CERKL: variants seen among roughly 807,000 people sequenced by gnomAD.
The protein encoded by CERKL is CERK like autophagy regulator, also known as ceramide kinase-like protein.
A neutral mutation model predicts 63.4 loss-of-function variants in CERKL; 61 were observed. The ratio of observed to expected loss-of-function variants is 0.96; its 90% CI spans 0.78 to 1.19. The LOEUF (loss-of-function observed/expected upper bound fraction) is 1.19. Ranked by LOEUF, CERKL falls within the 50% of genes most tolerant of loss-of-function variation. CERKL has a pLI of 0.00. For missense variants in CERKL, 675 were observed against 655.5 expected, an observed-to-expected ratio of 1.03 and a Z score of -0.33; for synonymous variants, 250 against 230.5, an observed-to-expected ratio of 1.08 and a Z score of -0.77.
At chr2:181,637,002 CA>C (rs1449222068) in intron 1 of CERKL, among the ~76,000 whole-genome samples, 2 of 152,136 alleles carry the variant, frequency 1.3e-5, no homozygotes, top group Non-Finnish European at 2.9e-5. Context: ...CTAGAGACCC[CA>C]TAATTGGTGC....
chr2:181,554,649 C>A (rs369082370), intron 5 of CERKL, among the ~76,000 whole-genome samples: 1 of 152,106 alleles, frequency 6.6e-6, no homozygotes, highest in Admixed American at 6.6e-5. Flanking sequence ...GCCAGCAGTT[C>A]AAATACAGGC....
intron 1 of CERKL, among the ~76,000 whole-genome samples, chr2:181,606,803 C>T (rs1359387004): frequency 6.6e-6 from 1 of 152,114 alleles, no homozygotes; most frequent in Non-Finnish European, 1.5e-5. Context: ...ACAATCATTA[C>T]TATTACTAAA....
chr2:181,576,587 G>A (rs1241439248), intron 2 of CERKL, among the ~76,000 whole-genome samples: 1 of 152,162 alleles, frequency 6.6e-6, no homozygotes, highest in Non-Finnish European at 1.5e-5. Context: ...GGTGAAGCAC[G>A]GTGAATTTCA....
At chr2:181,636,128 T>G (rs982495646) in intron 1 of CERKL, among the ~76,000 whole-genome samples, 1 of 152,144 alleles carries the variant, frequency 6.6e-6, no homozygotes, top group South Asian at 2.1e-4. Flanking sequence ...TTCCCTTCTG[T>G]TTACATATTT....
chr2:181,587,856 T>C (rs564504060), intron 2 of CERKL, among the ~76,000 whole-genome samples: 32 of 152,262 alleles, frequency 2.1e-4, no homozygotes, highest in Non-Finnish European at 4.4e-4. Context: ...GCTTTTAAGA[T>C]AAATTTTTAG....
intron 1 of CERKL, among the ~76,000 whole-genome samples, chr2:181,605,024 T>G (rs1685621254): frequency 6.6e-6 from 1 of 152,090 alleles, no homozygotes; most frequent in East Asian, 1.9e-4. Flanking sequence ...TGTGGAATAA[T>G]AAGAAACTAG....
rs569826109 is a variant in CERKL, at chr2:181,604,002, G to T, written c.316C>A (p.Arg106Ser). 3.6e-5 allele frequency: 58 copies of T among 1,612,490 alleles called. No individual in the cohort carries two copies. In the South Asian group the frequency reaches 6.2e-4, roughly 17 times the overall value. Residue 106 changes from arginine to serine, a missense_variant, in exon 2 of 13, where the codon CGT becomes AGT. By Grantham distance (110) the Arg-to-Ser change is moderately radical. Transcript: ENST00000410087. ...KDIFSVKLKR[R>S]CSVKQQRSGT... ...CTTCTCTGCTGTTTAACAGAACAAC[G>T]CCGTTTCAGTTTCACAGAGAATATG...
chr2:181,593,531 T>C (rs1174517562), intron 2 of CERKL, among the ~76,000 whole-genome samples: 4 of 150,286 alleles, frequency 2.7e-5, no homozygotes, highest in Non-Finnish European at 4.4e-5. Flanking sequence ...CATTTCCTTT[T>C]GGAAAAAAAA....
chr2:181,588,502 T>C (rs1287399806), intron 2 of CERKL, among the ~76,000 whole-genome samples: 1 of 152,170 alleles, frequency 6.6e-6, no homozygotes, highest in Non-Finnish European at 1.5e-5. Flanking sequence ...TGTCCATTGA[T>C]AGATACTCAG....
chr2:181,603,589 G>T, intron 2 of CERKL: 1 of 469,710 alleles, frequency 2.1e-6, no homozygotes, highest in Non-Finnish European at 3.9e-6. Flanking sequence ...GGAATGCAAG[G>T]ATGTTAAACA....
intron 1 of CERKL, among the ~76,000 whole-genome samples, chr2:181,631,621 TA>T (rs1686962333): frequency 6.6e-6 from 1 of 152,172 alleles, no homozygotes; most frequent in Admixed American, 6.5e-5. Flanking sequence ...TGCTCTCATT[TA>T]AAGGGTTTGA....
chr2:181,633,673 G>A (rs978002624), intron 1 of CERKL, among the ~76,000 whole-genome samples: 7 of 152,290 alleles, frequency 4.6e-5, no homozygotes, highest in Non-Finnish European at 7.4e-5. Flanking sequence ...AAAGCGTCGG[G>A]CAATGGAAAT....
chr2:181,648,102 G>C (rs756312186), intron 1 of CERKL, among the ~76,000 whole-genome samples: 4 of 152,106 alleles, frequency 2.6e-5, no homozygotes, highest in Non-Finnish European at 4.4e-5. Flanking sequence ...GAAAGGCACA[G>C]AAAACCTATT....
intron 2 of CERKL, among the ~76,000 whole-genome samples, chr2:181,599,067 A>G (rs1685348414): frequency 6.6e-6 from 1 of 152,218 alleles, no homozygotes; most frequent in Non-Finnish European, 1.5e-5. Flanking sequence ...ATGACAGACT[A>G]AAAAAACAAA....
chr2:181,553,218 T>C (rs902112986), intron 5 of CERKL, among the ~76,000 whole-genome samples: 7 of 152,196 alleles, frequency 4.6e-5, no homozygotes, highest in Non-Finnish European at 1.0e-4. Context: ...CCAATGATCT[T>C]GTGGCCCTCT....
chr2:181,543,448 A>G (rs1687593096), intron 11 of CERKL, among the ~76,000 whole-genome samples: 1 of 152,188 alleles, frequency 6.6e-6, no homozygotes, highest in South Asian at 2.1e-4. Flanking sequence ...ATTTTTTATG[A>G]TTTAAGTTCC....
At chr2:181,547,940 G>C in intron 8 of CERKL, 93 bp from the exon 9 acceptor site, 6 of 1,143,564 alleles carry the variant, frequency 5.2e-6, no homozygotes, top group Non-Finnish European at 7.7e-6. Flanking sequence ...GAGAAAATTA[G>C]AGAACTCATC....
In CERKL at chr2:181,558,522, G is replaced by A; in HGVS notation, c.820+44C>T. ...TAGATTAGCAAGTAAGAAAGGAAAA[G>A]AGGGAGAAGGGTCAGTTTAATGAAT... On this transcript the variant is annotated intron_variant, in intron 5 of 12. Coordinates refer to ENST00000410087, the MANE Select transcript of CERKL (RefSeq NM_201548.5). This position sits in a 1 kb window ranked among gnomAD's most constrained non-coding sequence, Gnocchi z 4.2. 6.2e-7 allele frequency: 1 copy of A among 1,601,502 alleles called. No individual in the cohort carries two copies. Among genetic ancestry groups the A allele is most frequent in the Non-Finnish European group, 8.5e-7 (1 of 1,170,738 alleles).
chr2:181,591,871 A>T (rs140719795), intron 2 of CERKL, among the ~76,000 whole-genome samples: 1 of 152,176 alleles, frequency 6.6e-6, no homozygotes, highest in Non-Finnish European at 1.5e-5. Flanking sequence ...TGGTTTCCCA[A>T]TACTGTTCCC....
Sources: allele counts gnomAD v4.1 joint callset (sites outside exome capture counted in the v4.1 genomes callset), GRCh38; gene constraint gnomAD v4.1.1; non-coding constraint Gnocchi (gnomAD v3.1); transcripts MANE v1.5; gene names NCBI Gene and HGNC (gene_info 2026-07-23, HGNC 2026-07-21).